NRIP1: variants seen among roughly 807,000 people sequenced by gnomAD.
NRIP1 encodes the protein nuclear receptor-interacting protein 1.
In NRIP1, 28 loss-of-function variants were observed where a neutral mutation model predicts 75.0. That is an observed-to-expected ratio of 0.37 (90% CI 0.28 to 0.51). The LOEUF is 0.51. Ranked by LOEUF, NRIP1 falls within the 20% of genes least tolerant of loss-of-function variation. The probability of loss-of-function intolerance (pLI) is 0.92; values close to 1 mark genes in which losing one functional copy is unlikely to be tolerated. For synonymous variants in NRIP1, 526 were observed against 487.6 expected (o/e 1.08, Z -1.04); for missense variants, 1,435 against 1,343.7 (o/e 1.07, Z -1.06).
intron 3 of NRIP1, among the ~76,000 whole-genome samples, chr21:15,013,785 T>C (rs918659716): frequency 1.2e-4 from 18 of 152,240 alleles, no homozygotes; most frequent in African/African-American, 4.3e-4. Context: ...GAAATACTAA[T>C]AATGCTCTTT....
chr21:14,962,053 C>A lies in NRIP1; in HGVS notation c.*2663G>T, dbSNP rs1316857961. On this transcript the variant is annotated 3_prime_UTR_variant, in exon 4 of 4. Transcript: ENST00000318948. Reference sequence around the variant, plus strand: ...TATATATATATATATAAAATATATACTCTCACCAGTTTACTCTTCTGTAAG... The same window carrying A: ...TATATATATATATATAAAATATATAATCTCACCAGTTTACTCTTCTGTAAG... 3 of 145,290 alleles carry A rather than the reference C, an allele frequency of 2.1e-5. No individual in the cohort carries two copies. The highest frequency in any genetic ancestry group is 2.1e-4 in the South Asian group (1 of 4,678). The allele number at this position is 145,290 out of a possible 1,614,324, so 9.0% of individuals were successfully genotyped here. A position where few individuals can be genotyped will look rare whatever the true frequency, so the allele number is the denominator to read the frequency against.
intron 2 of NRIP1, among the ~76,000 whole-genome samples, chr21:15,030,647 G>A (rs182820019): frequency 7.2e-5 from 11 of 152,312 alleles, no homozygotes; most frequent in African/African-American, 2.6e-4. Flanking sequence ...TGCTCCCAAT[G>A]ACTACATATT....
At chr21:15,038,284 T>C (rs993446734) in intron 2 of NRIP1, among the ~76,000 whole-genome samples, 2 of 152,118 alleles carry the variant, frequency 1.3e-5, no homozygotes, top group African/African-American at 4.8e-5. Context: ...AAAACATTTA[T>C]TGTAGTTGAC....
Position 15,005,768 on chromosome 21 carries a change from G to T in NRIP1, c.-335+8576C>A, listed in dbSNP as rs202077822. 1.8e-4 allele frequency among the ~76,000 whole-genome samples: 28 copies of T among 152,256 alleles called. No individual in the cohort carries two copies. The East Asian group carries it at 3.5e-3, about 19-fold the overall frequency. On this transcript the variant is annotated intron_variant, in intron 3 of 3. Coordinates refer to ENST00000318948, the MANE Select transcript of NRIP1 (RefSeq NM_003489.4). Reference sequence around the variant, plus strand: ...AAACCACCAGCATTCTGGAGAGAGGGTTTACCTAGAAGCATTCTTTTATAA... The same window carrying T: ...AAACCACCAGCATTCTGGAGAGAGGTTTTACCTAGAAGCATTCTTTTATAA...
intron 3 of NRIP1, among the ~76,000 whole-genome samples, chr21:14,971,062 C>A (rs915920370): frequency 4.6e-5 from 7 of 152,120 alleles, no homozygotes; most frequent in Admixed American, 2.0e-4. Flanking sequence ...CTTAATAATC[C>A]ATTTTTTGGC....
intron 3 of NRIP1, among the ~76,000 whole-genome samples, chr21:14,971,071 G>T (rs2086892025): frequency 6.6e-6 from 1 of 151,962 alleles, no homozygotes; most frequent in Admixed American, 6.6e-5. Context: ...CCATTTTTTG[G>T]CAATCAGCTT....
chr21:14,987,734 A>G (rs1347421839), intron 3 of NRIP1, among the ~76,000 whole-genome samples: 1 of 152,216 alleles, frequency 6.6e-6, no homozygotes, highest in Non-Finnish European at 1.5e-5. Flanking sequence ...GCTTTAAGCC[A>G]TACTCACCCT....
rs1476734577 is a variant in NRIP1 at position 15,031,888 on chromosome 21, T to C, written c.-458+11607A>G. ...TTCTATGTGTATACACTCTGGAAGG[T>C]GGTTGGAGGTTCACCACATTCCCTT... On this transcript the variant is annotated intron_variant, in intron 2 of 3. Transcript: ENST00000318948. 3.4e-4 allele frequency among the ~76,000 whole-genome samples: 43 copies of C among 128,322 alleles called. No homozygotes were observed. The East Asian group carries it at 3.6e-3, about 11-fold the overall frequency. The allele number at this position is 128,322 out of a possible 152,430, so 84.2% of individuals were successfully genotyped here.
intron 1 of NRIP1, among the ~76,000 whole-genome samples, chr21:15,060,629 T>C (rs1439813647): frequency 1.3e-5 from 2 of 152,156 alleles, no homozygotes; most frequent in African/African-American, 2.4e-5. Context: ...CCTGATTCCA[T>C]GCTGGTACCC....
chr21:14,978,648 A>G (rs1415954199), intron 3 of NRIP1, among the ~76,000 whole-genome samples: 1 of 152,218 alleles, frequency 6.6e-6, no homozygotes, highest in Non-Finnish European at 1.5e-5. Context: ...ACAGAAAGAA[A>G]CACCCCATAA....
chr21:15,022,966 C>T (rs937961181), intron 2 of NRIP1, among the ~76,000 whole-genome samples: 1 of 152,178 alleles, frequency 6.6e-6, no homozygotes, highest in African/African-American at 2.4e-5. Flanking sequence ...TGAAAGAAGC[C>T]AATCACTAAA....
At chr21:14,999,133 T>C (rs2087796435) in intron 3 of NRIP1, among the ~76,000 whole-genome samples, 1 of 151,822 alleles carries the variant, frequency 6.6e-6, no homozygotes, top group Non-Finnish European at 1.5e-5. Flanking sequence ...ACCTCCCAAG[T>C]AGCTAGTTAA....
At chr21:14,975,620 T>C (rs1458492449) in intron 3 of NRIP1, among the ~76,000 whole-genome samples, 1 of 37,524 alleles carries the variant, frequency 2.7e-5, no homozygotes, top group African/African-American at 1.3e-4. Context: ...TAAGACACTA[T>C]TTCTTTAAAA....
chr21:15,017,815 G>C (rs1743131365), intron 2 of NRIP1, among the ~76,000 whole-genome samples: 1 of 152,146 alleles, frequency 6.6e-6, no homozygotes, highest in Non-Finnish European at 1.5e-5. Context: ...AAAGTTAAAA[G>C]TATTCCGAGC....
At chr21:15,015,692 T>C (rs1165598455) in intron 2 of NRIP1, among the ~76,000 whole-genome samples, 1 of 152,150 alleles carries the variant, frequency 6.6e-6, no homozygotes, top group Non-Finnish European at 1.5e-5. Context: ...TATGAAATTA[T>C]ATACTATATA....
intron 2 of NRIP1, among the ~76,000 whole-genome samples, chr21:15,022,887 T>C (rs2088412848): frequency 1.3e-5 from 2 of 152,222 alleles, no homozygotes; most frequent in African/African-American, 2.4e-5. Flanking sequence ...CAGTGAAGTA[T>C]TATTTAGTCA....
chr21:15,044,996 A>G (rs956167289), intron 1 of NRIP1, among the ~76,000 whole-genome samples: 2 of 152,250 alleles, frequency 1.3e-5, no homozygotes, highest in Admixed American at 6.5e-5. Flanking sequence ...AGAAGACGGT[A>G]GTTTTATATG....
intron 1 of NRIP1, among the ~76,000 whole-genome samples, chr21:15,047,577 A>G (rs902196084): frequency 5.3e-5 from 8 of 152,162 alleles, no homozygotes; most frequent in African/African-American, 1.7e-4. Flanking sequence ...TTAAAAAACC[A>G]TCAGATCTCA....
intron 2 of NRIP1, among the ~76,000 whole-genome samples, chr21:15,020,241 T>C (rs998143798): frequency 1.3e-5 from 2 of 152,200 alleles, no homozygotes; most frequent in African/African-American, 4.8e-5. Context: ...GTGTTGGTCC[T>C]GCTATAAAGA....
Sources: gnomAD v4.1 joint callset for allele counts (sites outside exome capture counted in the v4.1 genomes callset) on GRCh38, gnomAD v4.1.1 for gene constraint, MANE v1.5 for transcripts, NCBI Gene and HGNC (gene_info 2026-07-23, HGNC 2026-07-21) for gene names.